TBC1D9: variants seen among roughly 807,000 people sequenced by gnomAD.
TBC1D9 encodes the protein TBC1 domain family member 9.
A neutral mutation model predicts 132.0 loss-of-function variants in TBC1D9; 63 were observed. That is an observed-to-expected ratio of 0.48 (90% CI 0.39 to 0.59). The LOEUF (loss-of-function observed/expected upper bound fraction) is 0.59. Ranked by LOEUF, TBC1D9 falls within the 20% of genes least tolerant of loss-of-function variation. The probability of loss-of-function intolerance (pLI) is 0.00; values close to 1 mark genes in which losing one functional copy is unlikely to be tolerated. For missense variants in TBC1D9, 1,261 were observed against 1,592.7 expected (o/e 0.79, Z 3.54); for synonymous variants, 610 against 609.9 (o/e 1.00, Z 0.00).
intron 13 of TBC1D9, chr4:140,645,356 G>A (rs542652114): frequency 5.5e-5 from 27 of 489,174 alleles, no homozygotes; most frequent in African/African-American, 5.1e-4. Context: ...CTTCTGCAAT[G>A]CCCACAGGCG....
In TBC1D9 at chr4:140,622,624, G is replaced by T; in HGVS notation, c.3372C>A (p.His1124Gln). 1 of 1,613,070 alleles carries T rather than the reference G, an allele frequency of 6.2e-7. No homozygotes were observed. Among genetic ancestry groups the T allele is most frequent in the South Asian group, 1.1e-5 (1 of 91,016 alleles). The change falls in exon 21 of 21, where the codon CAC (histidine) becomes CAA (glutamine). Residue 1124 changes from histidine to glutamine, a missense_variant. Coordinates refer to ENST00000442267, the MANE Select transcript of TBC1D9 (RefSeq NM_015130.3). Reference protein sequence around the residue: ...PASLAPDSEEHSLGGQMEDIK... With the variant: ...PASLAPDSEEQSLGGQMEDIK... ...TGTCCTCCATTTGTCCTCCAAGGGA[G>T]TGTTCCTCGCTGTCGGGGGCCAGGC...
chr4:140,718,194 CTTTAT>C (rs1289860254), intron 1 of TBC1D9, among the ~76,000 whole-genome samples: 4 of 136,478 alleles, frequency 2.9e-5, no homozygotes, highest in Non-Finnish European at 4.6e-5. Flanking sequence ...ATGAAATATG[CTTTAT>C]TTTATTTAAA....
chr4:140,660,573 G>C lies in TBC1D9; in HGVS notation c.1804-868C>G, dbSNP rs139505200. On this transcript the variant is annotated intron_variant, in intron 10 of 20. Transcript: ENST00000442267. The stretch of plus-strand genomic sequence containing the variant: ...AATTAACCTGCTGATCCTAGTACAT[G>C]ATGATGGTCCCTGCCAGTTCCTTAG... Among the ~76,000 whole-genome samples the C allele has an allele frequency of 6.5e-3, 987 of 152,320 alleles. 8 individuals are homozygous for C. Among genetic ancestry groups the C allele is most frequent in the African/African-American group, 0.019 (793 of 41,570 alleles).
intron 2 of TBC1D9, among the ~76,000 whole-genome samples, chr4:140,686,810 G>C (rs181079474): frequency 7.9e-5 from 12 of 152,220 alleles, no homozygotes; most frequent in Admixed American, 7.9e-4. Context: ...TCTAGAATTT[G>C]CACTTTACAG....
intron 1 of TBC1D9, among the ~76,000 whole-genome samples, chr4:140,709,096 G>A (rs890991084): frequency 5.3e-5 from 8 of 151,834 alleles, no homozygotes; most frequent in African/African-American, 7.3e-5. Context: ...TGTTTTAAAC[G>A]GCCATCCACA....
At chr4:140,623,843 C>A (rs1390790482) in intron 20 of TBC1D9, among the ~76,000 whole-genome samples, 5 of 152,152 alleles carry the variant, frequency 3.3e-5, no homozygotes, top group South Asian at 4.1e-4. Context: ...TTTCGAGTAT[C>A]TGAGGGTATT....
intron 18 of TBC1D9, 124 bp from the exon 19 acceptor site, chr4:140,624,512 CAAAA>C (rs11307081): frequency 7.2e-6 from 5 of 689,820 alleles, no homozygotes; most frequent in Non-Finnish European, 1.2e-5. Context: ...AACAAACAAA[CAAAA>C]AAAAACTCCT....
At chr4:140,692,560 A>T (rs1737892624) in intron 2 of TBC1D9, among the ~76,000 whole-genome samples, 1 of 152,208 alleles carries the variant, frequency 6.6e-6, no homozygotes, top group Non-Finnish European at 1.5e-5. Flanking sequence ...ACAAAACCCA[A>T]AAATAACATG....
At chr4:140,649,677 C>T (rs1479409456) in intron 13 of TBC1D9, among the ~76,000 whole-genome samples, 2 of 152,102 alleles carry the variant, frequency 1.3e-5, no homozygotes, top group South Asian at 2.1e-4. Flanking sequence ...TCTGTCTGCA[C>T]CTGTGTACTT....
chr4:140,647,765 A>G (rs2110986884), intron 13 of TBC1D9, among the ~76,000 whole-genome samples: 1 of 152,320 alleles, frequency 6.6e-6, no homozygotes, highest in Non-Finnish European at 1.5e-5. Context: ...GCAACTTGCC[A>G]GAGACAGAAC....
chr4:140,750,058 G>T (rs1738896929), intron 1 of TBC1D9, among the ~76,000 whole-genome samples: 1 of 151,242 alleles, frequency 6.6e-6, no homozygotes, highest in African/African-American at 2.4e-5. Context: ...TAAAAATTCA[G>T]CATCCAAATA....
intron 3 of TBC1D9, among the ~76,000 whole-genome samples, chr4:140,682,308 A>G (rs906663579): frequency 6.6e-6 from 1 of 152,190 alleles, no homozygotes; most frequent in African/African-American, 2.4e-5. Flanking sequence ...TACCACTGAT[A>G]TCACTCTACC....
intron 13 of TBC1D9, chr4:140,642,604 C>G (rs1298391287): frequency 2.3e-6 from 2 of 871,378 alleles, no homozygotes; most frequent in African/African-American, 3.3e-5. Flanking sequence ...TCTTCTTCTT[C>G]TTAATCTTCA....
At chr4:140,692,563 A>T (rs73859308) in intron 2 of TBC1D9, among the ~76,000 whole-genome samples, 5,128 of 152,298 alleles carry the variant, frequency 0.034, 298 homozygotes, top group African/African-American at 0.12. Context: ...AAACCCAAAA[A>T]TAACATGGTG....
chr4:140,725,101 T>G (rs1578857301), intron 1 of TBC1D9, among the ~76,000 whole-genome samples: 1 of 152,164 alleles, frequency 6.6e-6, no homozygotes, highest in Non-Finnish European at 1.5e-5. Flanking sequence ...AAATAACATA[T>G]GTACACGGCT....
intron 1 of TBC1D9, among the ~76,000 whole-genome samples, chr4:140,742,726 C>A (rs1738778983): frequency 6.6e-6 from 1 of 152,044 alleles, no homozygotes; most frequent in African/African-American, 2.4e-5. Context: ...TCCCCACAAA[C>A]CCCCAAAGAG....
chr4:140,752,444 A>G (rs1219980193), intron 1 of TBC1D9, among the ~76,000 whole-genome samples: 1 of 152,224 alleles, frequency 6.6e-6, no homozygotes, highest in Non-Finnish European at 1.5e-5. Context: ...AGTGTTTACA[A>G]AAAAGCATGA....
chr4:140,635,231 C>A (rs928875057), intron 15 of TBC1D9, among the ~76,000 whole-genome samples: 1 of 151,920 alleles, frequency 6.6e-6, no homozygotes, highest in Non-Finnish European at 1.5e-5. Context: ...ATATTCCCAG[C>A]ACTTTGGGAG....
chr4:140,737,992 T>A (rs1035654392), intron 1 of TBC1D9, among the ~76,000 whole-genome samples: 3 of 152,086 alleles, frequency 2.0e-5, no homozygotes, highest in Non-Finnish European at 4.4e-5. Flanking sequence ...AAAGAAAAAA[T>A]CGATTTGGGA....
Sources: allele counts gnomAD v4.1 joint callset (sites outside exome capture counted in the v4.1 genomes callset), GRCh38; gene constraint gnomAD v4.1.1; transcripts MANE v1.5; gene names NCBI Gene and HGNC (gene_info 2026-07-23, HGNC 2026-07-21).